FLACC1: variants seen among roughly 807,000 people sequenced by gnomAD.
The protein encoded by FLACC1 is flagellum-associated coiled-coil domain-containing protein 1.
Under a neutral mutation model 62.8 loss-of-function variants are expected in FLACC1, and 66 were observed. That is an observed-to-expected ratio of 1.05 (90% CI 0.86 to 1.29). FLACC1 has a LOEUF of 1.29. FLACC1 is among the 50% of genes most tolerant of loss of function. FLACC1 has a pLI of 0.00. For missense variants in FLACC1, 452 were observed against 489.1 expected (o/e 0.92, Z 0.71); for synonymous variants, 156 against 161.0 (o/e 0.97, Z 0.24).
intron 9 of FLACC1, among the ~76,000 whole-genome samples, chr2:201,319,067 A>G (rs1950354108): frequency 6.6e-6 from 1 of 152,026 alleles, no homozygotes; most frequent in Admixed American, 6.6e-5. Flanking sequence ...GTAACCAAAC[A>G]CCTCCTGTTT....
At chr2:201,335,293 T>C (rs1950671021) in intron 7 of FLACC1, among the ~76,000 whole-genome samples, 1 of 152,208 alleles carries the variant, frequency 6.6e-6, no homozygotes, top group East Asian at 1.9e-4. Context: ...TCTGCTTTGA[T>C]CTTTATTATT....
chr2:201,289,598 C>T (rs1949682456), intron 13 of FLACC1, 32 bp from the exon 14 acceptor site: 9 of 1,613,432 alleles, frequency 5.6e-6, no homozygotes, highest in Non-Finnish European at 7.6e-6. Context: ...AGCCATCTTC[C>T]CCAACCCAGA....
chr2:201,337,392 G>A (rs1018302985), intron 7 of FLACC1, among the ~76,000 whole-genome samples: 3 of 152,102 alleles, frequency 2.0e-5, no homozygotes, highest in Non-Finnish European at 4.4e-5. Context: ...ATTGAAGAGG[G>A]TGCCCTGTTC....
intron 1 of FLACC1, among the ~76,000 whole-genome samples, chr2:201,352,244 TCTG>T (rs935004749): frequency 6.6e-6 from 1 of 152,192 alleles, no homozygotes; most frequent in Non-Finnish European, 1.5e-5. Context: ...GAAAATTAGT[TCTG>T]CTGCTTGAGC....
intron 7 of FLACC1, among the ~76,000 whole-genome samples, chr2:201,337,900 C>T (rs1950726874): frequency 6.6e-6 from 1 of 152,154 alleles, no homozygotes; most frequent in African/African-American, 2.4e-5. Context: ...GCTATTCTGG[C>T]TCATCTTTTG....
intron 10 of FLACC1, 50 bp from the exon 11 acceptor site, chr2:201,307,672 G>C: frequency 7.6e-7 from 1 of 1,322,812 alleles, no homozygotes; most frequent in Non-Finnish European, 1.1e-6. Flanking sequence ...GGGAAAAGCA[G>C]GTGCAATGAG....
At chr2:201,334,233 C>T (rs532748350) in intron 7 of FLACC1, among the ~76,000 whole-genome samples, 109 of 152,194 alleles carry the variant, frequency 7.2e-4, no homozygotes, top group African/African-American at 2.0e-3. Flanking sequence ...TCTGTTCATA[C>T]GGTTTTGTCC....
At chr2:201,306,648 A>T (rs1477922632) in intron 11 of FLACC1, among the ~76,000 whole-genome samples, 1 of 152,184 alleles carries the variant, frequency 6.6e-6, no homozygotes, top group Non-Finnish European at 1.5e-5. Flanking sequence ...GGACACAAAA[A>T]TCTGTAACCA....
chr2:201,298,671 T>C lies in FLACC1; in HGVS notation c.942+567A>G, dbSNP rs1949916037. Among the ~76,000 whole-genome samples the C allele has an allele frequency of 4.6e-5, 7 of 152,372 alleles. No homozygotes were observed. The South Asian group carries it at 1.5e-3, about 32-fold the overall frequency. The stretch of plus-strand genomic sequence containing the variant: ...GAATTCATTTACAATGCCTTTATAA[T>C]GACTAATGTTTTCTCAAACGTGTCC... On this transcript the variant is annotated intron_variant, in intron 12 of 14. Transcript: ENST00000392257.
At chr2:201,315,371 C>A (rs1287199716) in intron 9 of FLACC1, among the ~76,000 whole-genome samples, 1 of 152,074 alleles carries the variant, frequency 6.6e-6, no homozygotes, top group Admixed American at 6.5e-5. Flanking sequence ...ACATTCCATG[C>A]AAATGGACAC....
chr2:201,303,593 TC>T (rs1216765931), intron 11 of FLACC1, among the ~76,000 whole-genome samples: 2 of 152,148 alleles, frequency 1.3e-5, no homozygotes, highest in African/African-American at 4.8e-5. Flanking sequence ...GCCAGCATCA[TC>T]CTGATACCAA....
In FLACC1 at chr2:201,353,697, C is replaced by G. The variant is rs2125627052; in HGVS notation, c.-47-2246G>C. On this transcript the variant is annotated intron_variant, in intron 1 of 14. Transcript: ENST00000392257. ...CTGCTTCCTGGGTTCAAGCGATTCT[C>G]CCGCCTCAGCCTCCTGTAGGTGTAG... is the stretch of plus-strand genomic sequence containing the variant. Among the ~76,000 whole-genome samples, 4 of 152,290 alleles carry G rather than the reference C, an allele frequency of 2.6e-5. No homozygotes were observed. In the South Asian group the frequency reaches 8.3e-4, roughly 32 times the overall value.
rs1576447085 is a variant in FLACC1, at chr2:201,323,805, T to TAAAAAA, written c.675+6664_675+6665insTTTTTT. The stretch of plus-strand genomic sequence containing the variant: ...CTATCAAAAAAAAAAAAAAAAAAAG[T>TAAAAAA]AAGGAAGGAAGGAAGGAAAGAAAAG... On this transcript the variant is annotated intron_variant, in intron 9 of 14. Transcript: ENST00000392257. 1.3e-3 allele frequency among the ~76,000 whole-genome samples: 103 copies of TAAAAAA among 78,946 alleles called. 4 individuals are homozygous for TAAAAAA. The highest frequency in any genetic ancestry group is 2.5e-3 in the African/African-American group (53 of 21,382). The allele number at this position is 78,946 out of a possible 152,430, so 51.8% of individuals were successfully genotyped here. A position where few individuals can be genotyped will look rare whatever the true frequency, so the allele number is the denominator to read the frequency against.
At chr2:201,356,671 G>A (rs2125630464) in intron 1 of FLACC1, among the ~76,000 whole-genome samples, 1 of 152,302 alleles carries the variant, frequency 6.6e-6, no homozygotes, top group Admixed American at 6.5e-5. Flanking sequence ...AGCATACTTT[G>A]CACACAATGT....
chr2:201,344,095 C>A, intron 6 of FLACC1, 75 bp downstream of exon 6: 1 of 1,349,816 alleles, frequency 7.4e-7, no homozygotes, highest in South Asian at 1.3e-5. Context: ...TGGCATTTTG[C>A]CTGGCACATA....
At chr2:201,342,034 A>C (rs1257262005) in intron 7 of FLACC1, among the ~76,000 whole-genome samples, 1 of 152,234 alleles carries the variant, frequency 6.6e-6, no homozygotes, top group Non-Finnish European at 1.5e-5. Context: ...GTGGAGGAGG[A>C]GCCTTGGCTG....
chr2:201,330,381 T>A (rs1055703024), intron 9 of FLACC1, 89 bp downstream of exon 9: 2 of 1,297,256 alleles, frequency 1.5e-6, no homozygotes, highest in African/African-American at 3.0e-5. Flanking sequence ...GGACATTATT[T>A]TCTGGACAAA....
At chr2:201,358,279 T>TGCAGTG (rs1280370776), upstream of FLACC1, among the ~76,000 whole-genome samples, 53 of 152,332 alleles carry the variant, frequency 3.5e-4, 1 homozygote, top group South Asian at 0.011. Context: ...CAGGCTGCGG[T>TGCAGTG]GCAGTGGCAG....
intron 12 of FLACC1, among the ~76,000 whole-genome samples, chr2:201,295,914 G>A (rs918554742): frequency 6.6e-6 from 1 of 152,188 alleles, no homozygotes; most frequent in African/African-American, 2.4e-5. Context: ...ATGAAAAAAT[G>A]TTCATCATCA....
Sources: allele counts gnomAD v4.1 joint callset (sites outside exome capture counted in the v4.1 genomes callset), GRCh38; gene constraint gnomAD v4.1.1; transcripts MANE v1.5; gene names NCBI Gene and HGNC (gene_info 2026-07-23, HGNC 2026-07-21).